Variants in PCYT1A observed in about 807,000 individuals in gnomAD.
PCYT1A encodes the protein choline-phosphate cytidylyltransferase A.
Under a neutral mutation model 43.7 loss-of-function variants are expected in PCYT1A, and 25 were observed. The ratio of observed to expected loss-of-function variants is 0.57; its 90% CI spans 0.42 to 0.80. The LOEUF (loss-of-function observed/expected upper bound fraction) is 0.80. Among genes scored for constraint, PCYT1A ranks in the 30% least tolerant of loss-of-function variants. The probability of loss-of-function intolerance (pLI) is 0.00; values close to 1 mark genes in which losing one functional copy is unlikely to be tolerated. For missense variants in PCYT1A, 421 were observed against 474.2 expected (o/e 0.89, Z 1.04); for synonymous variants, 172 against 170.7 (o/e 1.01, Z -0.06).
chr3:196,254,335 A>T (rs60680644), intron 3 of PCYT1A, among the ~76,000 whole-genome samples: 60,959 of 150,544 alleles, frequency 0.4, 13,231 homozygotes, highest in East Asian at 0.87. Flanking sequence ...CTATATATAT[A>T]TTTTTTTAAT....
Position 196,237,848 on chromosome 3 carries a change from C to T in PCYT1A, c.*840G>A, listed in dbSNP as rs1454288833. 1 of 152,222 alleles carries T rather than the reference C, an allele frequency of 6.6e-6. No individual in the cohort carries two copies. The highest frequency in any genetic ancestry group is 1.9e-4 in the East Asian group (1 of 5,198). 9.4% of individuals were successfully genotyped at this position (152,222 alleles called of 1,614,324 possible). A position where few individuals can be genotyped will look rare whatever the true frequency, so the allele number is the denominator to read the frequency against. ...GTATAGGATTGAGTATTGTCCCGCTCCTCTCCTCATCATTGTAACTCTAAA... is the reference window on the plus strand; with the variant it reads ...GTATAGGATTGAGTATTGTCCCGCTTCTCTCCTCATCATTGTAACTCTAAA... On this transcript the variant is annotated 3_prime_UTR_variant, in exon 9 of 9. Coordinates refer to ENST00000431016, the MANE Select transcript of PCYT1A (RefSeq NM_001312673.2).
Position 196,247,385 on chromosome 3 carries a change from C to T in PCYT1A, c.468G>A (p.Glu156=), listed in dbSNP as rs1328071170. ...TTCTTACCCGGTGTTCGGCCAGGAACTCGGGTGTCAGCGTCCAGGGCGCAT... is the reference window on the plus strand; with the variant it reads ...TTCTTACCCGGTGTTCGGCCAGGAATTCGGGTGTCAGCGTCCAGGGCGCAT... The part of the protein sequence containing the change: ...VRNAPWTLTP[E]FLAEHRIDFV... Residue 156 remains glutamate (E), a synonymous_variant, in exon 5 of 9, where the codon GAG becomes GAA. Transcript: ENST00000431016. The surrounding 1 kb of genome is among the most constrained non-coding windows in gnomAD (Gnocchi z 4.8). 6.2e-7 allele frequency: 1 copy of T among 1,614,152 alleles called. No homozygotes were observed. The highest frequency in any genetic ancestry group is 1.7e-5 in the Admixed American group (1 of 60,030).
chr3:196,248,836 A>G (rs1724657720), intron 3 of PCYT1A, among the ~76,000 whole-genome samples: 1 of 151,524 alleles, frequency 6.6e-6, no homozygotes, highest in Admixed American at 6.6e-5. Context: ...GGCTCACTAC[A>G]ACCTGCAACT....
chr3:196,258,875 C>T (rs1407239266), intron 2 of PCYT1A, among the ~76,000 whole-genome samples: 1 of 152,190 alleles, frequency 6.6e-6, no homozygotes, highest in Non-Finnish European at 1.5e-5. Flanking sequence ...GCGTGAGCCA[C>T]CGTGCCCAGC....
intron 2 of PCYT1A, among the ~76,000 whole-genome samples, chr3:196,264,484 C>T (rs1725209545): frequency 6.6e-6 from 1 of 152,154 alleles, no homozygotes; most frequent in Admixed American, 6.5e-5. Flanking sequence ...AACTTGTACC[C>T]CATCTCTTGT....
In PCYT1A at chr3:196,242,283, G is replaced by A; in HGVS notation, c.566-193C>T. ...AAGGCCAGAGGTAAGGCAAAGAAGA[G>A]TTACATAGCCCTAATATTAAGAAAA... On this transcript the variant is annotated intron_variant, in intron 6 of 8. Coordinates refer to ENST00000431016, the MANE Select transcript of PCYT1A (RefSeq NM_001312673.2). The surrounding 1 kb of genome is among the most constrained non-coding windows in gnomAD (Gnocchi z 4.2). 1 of 646,728 alleles carries A rather than the reference G, an allele frequency of 1.5e-6. No homozygotes were observed. Among genetic ancestry groups the A allele is most frequent in the Non-Finnish European group, 2.7e-6 (1 of 366,324 alleles). 40.1% of individuals were successfully genotyped at this position (646,728 alleles called of 1,614,324 possible). A position where few individuals can be genotyped will look rare whatever the true frequency, so the allele number is the denominator to read the frequency against.
intron 1 of PCYT1A, among the ~76,000 whole-genome samples, chr3:196,280,518 A>G (rs1030803651): frequency 6.7e-6 from 1 of 149,840 alleles, no homozygotes; most frequent in East Asian, 2.0e-4. Flanking sequence ...TTATTATACA[A>G]TATTGGTTTT....
intron 1 of PCYT1A, among the ~76,000 whole-genome samples, chr3:196,279,425 ACATAAAAACC>A (rs1411103739): frequency 6.6e-6 from 1 of 152,142 alleles, no homozygotes; most frequent in African/African-American, 2.4e-5. Flanking sequence ...CTAAATATGG[ACATAAAAACC>A]CATCCCCCAA....
Position 196,270,513 on chromosome 3 carries a change from C to G in PCYT1A, c.19G>C (p.Ala7Pro). 6.2e-7 allele frequency: 1 copy of G among 1,613,514 alleles called. No individual in the cohort carries two copies. The highest frequency in any genetic ancestry group is 8.5e-7 in the Non-Finnish European group (1 of 1,179,396). The stretch of plus-strand genomic sequence containing the variant: ...CTCCTCTTCCTTGCATTGACCTTGG[C>G]TGAACACTGTGCATCCATCTTCTTT... MDAQCS[A>P]KVNARKRRKE... Residue 7 changes from alanine (A) to proline (P), a missense_variant, in exon 2 of 9, where the codon GCC (alanine) becomes CCC (proline). Coordinates refer to ENST00000431016, the MANE Select transcript of PCYT1A (RefSeq NM_001312673.2).
chr3:196,284,503 A>G (rs1341486539), intron 1 of PCYT1A, among the ~76,000 whole-genome samples: 2 of 152,244 alleles, frequency 1.3e-5, no homozygotes, highest in Non-Finnish European at 2.9e-5. Context: ...AACAAGAGAA[A>G]GCAATAATGC....
intron 2 of PCYT1A, among the ~76,000 whole-genome samples, chr3:196,259,792 C>T (rs1248530697): frequency 6.7e-6 from 1 of 149,254 alleles, no homozygotes; most frequent in East Asian, 2.0e-4. Context: ...TTACAGTGAG[C>T]TGAGATTGCC....
chr3:196,238,784 C>T lies in PCYT1A; in HGVS notation c.1008G>A (p.Trp336Ter), dbSNP rs751579909. 13 of 1,587,686 alleles carry T rather than the reference C, an allele frequency of 8.2e-6. No homozygotes were observed. The highest frequency in any genetic ancestry group is 1.1e-5 in the South Asian group (1 of 87,472). The change falls in exon 9 of 9, where the codon TGG becomes TGA. Residue 336 changes from tryptophan to a stop codon, truncating the protein, a stop_gained. Coordinates refer to ENST00000431016, the MANE Select transcript of PCYT1A (RefSeq NM_001312673.2). LOFTEE classifies it high-confidence loss of function. ...GTGGGGAAGTCTTGCCGGAGAAGGG[C>T]CATCGGAAAGAGGGGGAGGGGGAGC... ...RERSPSPSFR[W>*]PFSGKTSPPC...
At chr3:196,262,957 C>T (rs1725158946) in intron 2 of PCYT1A, among the ~76,000 whole-genome samples, 1 of 151,792 alleles carries the variant, frequency 6.6e-6, no homozygotes. Flanking sequence ...ACTGCGCCTG[C>T]TTAATTTTTT....
In PCYT1A at chr3:196,239,718, C is replaced by A. The variant is rs1724294379; in HGVS notation, c.726G>T (p.Leu242Phe). The change falls in exon 8 of 9, where the codon TTG (leucine) becomes TTT (phenylalanine). Residue 242 changes from leucine (L) to phenylalanine (F), a missense_variant. Transcript: ENST00000431016. ...VSFINEKKYHLQERVDKVKKK... is the reference protein window; with the variant it reads ...VSFINEKKYHFQERVDKVKKK... ...TCTTTACTTTGTCAACCCTCTCCTGCAAGTGGTATTTCTTCTCCTAGATAA... is the reference window on the plus strand; with the variant it reads ...TCTTTACTTTGTCAACCCTCTCCTGAAAGTGGTATTTCTTCTCCTAGATAA... The A allele has an allele frequency of 6.2e-7, 1 of 1,605,804 alleles. No individual in the cohort carries two copies. Among genetic ancestry groups the A allele is most frequent in the East Asian group, 2.2e-5 (1 of 44,832 alleles).
intron 2 of PCYT1A, among the ~76,000 whole-genome samples, chr3:196,261,637 A>C (rs908908446): frequency 6.6e-6 from 1 of 151,940 alleles, no homozygotes; most frequent in Admixed American, 6.6e-5. Flanking sequence ...TAAAAATACA[A>C]AACTTAGCCA....
rs183256976 is a variant in PCYT1A at position 196,283,766 on chromosome 3, G to C, written c.-11+3849C>G. On this transcript the variant is annotated intron_variant, in intron 1 of 8. Coordinates refer to ENST00000431016, the MANE Select transcript of PCYT1A (RefSeq NM_001312673.2). The stretch of plus-strand genomic sequence containing the variant: ...AGAGGTTCAAGGACTTAGGGAAAAG[G>C]AGATGCCAGAAGCTGCCAAGCAGAT... Among the ~76,000 whole-genome samples, 483 of 152,304 alleles carry C rather than the reference G, an allele frequency of 3.2e-3. 1 individual carries two copies. Among genetic ancestry groups the C allele is most frequent in the Middle Eastern group, 3.4e-3 (1 of 294 alleles).
chr3:196,282,046 G>A lies in PCYT1A; in HGVS notation c.-11+5569C>T, dbSNP rs1725784448. On this transcript the variant is annotated intron_variant, in intron 1 of 8. Coordinates refer to ENST00000431016, the MANE Select transcript of PCYT1A (RefSeq NM_001312673.2). This position sits in a 1 kb window ranked among gnomAD's most constrained non-coding sequence, Gnocchi z 4.3. Reference sequence around the variant, plus strand: ...AAACATGAGCTTCTCTGACAGATTAGTTCTAAACTAAAGTTCAACGTTACT... The same window carrying A: ...AAACATGAGCTTCTCTGACAGATTAATTCTAAACTAAAGTTCAACGTTACT... Among the ~76,000 whole-genome samples the A allele has an allele frequency of 6.6e-6, 1 of 152,168 alleles. No individual in the cohort carries two copies. The highest frequency in any genetic ancestry group is 2.4e-5 in the African/African-American group (1 of 41,440).
intron 1 of PCYT1A, 34 bp from the exon 2 acceptor site, chr3:196,270,575 A>T (rs1432884866): frequency 7.1e-7 from 1 of 1,416,244 alleles, no homozygotes; most frequent in Non-Finnish European, 1.0e-6. Flanking sequence ...AAATTTTCTC[A>T]TTGGGGTGGG....
chr3:196,247,397 C>A lies in PCYT1A; in HGVS notation c.456G>T (p.Thr152=). 1 of 1,614,188 alleles carries A rather than the reference C, an allele frequency of 6.2e-7. No homozygotes were observed. ...VDEVVRNAPW[T]LTPEFLAEHR... is the part of the protein sequence containing the mutation. ...GTTCGGCCAGGAACTCGGGTGTCAG[C>A]GTCCAGGGCGCATTCCTCACCACCT... is the stretch of plus-strand genomic sequence containing the variant. The change falls in exon 5 of 9, where the codon ACG becomes ACT. Residue 152 remains threonine, a synonymous_variant. Transcript: ENST00000431016. This position sits in a 1 kb window ranked among gnomAD's most constrained non-coding sequence, Gnocchi z 4.8.
Sources: allele counts gnomAD v4.1 joint callset (sites outside exome capture counted in the v4.1 genomes callset), GRCh38; gene constraint gnomAD v4.1.1; non-coding constraint Gnocchi (gnomAD v3.1); transcripts MANE v1.5; gene names NCBI Gene and HGNC (gene_info 2026-07-23, HGNC 2026-07-21).